Variants in MAP3K20 observed in about 807,000 individuals in gnomAD.
MAP3K20 encodes HCCS-4.
Under a neutral mutation model 85.7 loss-of-function variants are expected in MAP3K20, and 40 were observed. That is an observed-to-expected ratio of 0.47 (90% CI 0.36 to 0.61). The LOEUF (loss-of-function observed/expected upper bound fraction) is 0.61. Ranked by LOEUF, MAP3K20 falls within the 20% of genes least tolerant of loss-of-function variation. MAP3K20 has a pLI of 0.00. For missense variants in MAP3K20, 817 were observed against 961.7 expected, an observed-to-expected ratio of 0.85 and a Z score of 1.99; for synonymous variants, 325 against 327.7, an observed-to-expected ratio of 0.99 and a Z score of 0.09.
chr2:173,190,307 GT>G (rs1690611740), intron 5 of MAP3K20, among the ~76,000 whole-genome samples: 1 of 152,098 alleles, frequency 6.6e-6, no homozygotes, highest in African/African-American at 2.4e-5. Flanking sequence ...ATCTATCCCA[GT>G]TTGTTGTAGA....
rs1448168298 is a variant in MAP3K20 at position 173,093,860 on chromosome 2, A to T, written c.159+2670A>T. ...TGTAGGGACAAGGATGAAATTGGAA[A>T]TCATCATTCTCAGTAAACTATCGCA... On this transcript the variant is annotated intron_variant, in intron 2 of 19. Coordinates refer to ENST00000375213, the MANE Select transcript of MAP3K20 (RefSeq NM_016653.3). 4.6e-5 allele frequency among the ~76,000 whole-genome samples: 7 copies of T among 152,166 alleles called. No homozygotes were observed. The East Asian group carries it at 1.4e-3, about 29-fold the overall frequency.
At chr2:173,209,863 C>T (rs753530818) in intron 10 of MAP3K20, 28 bp downstream of exon 10, 21 of 1,583,334 alleles carry the variant, frequency 1.3e-5, no homozygotes, top group Middle Eastern at 1.7e-4. Context: ...CAGGCCACAG[C>T]GTCTGGCTTT....
In MAP3K20 at chr2:173,239,413, G is replaced by A. The variant is rs764780829; in HGVS notation, c.1276G>A (p.Gly426Ser). ...HFPPLIKDSG[G>S]EPEENEEKIV... ...TGGTTTCCTGTTTTAGGACTCAGGA[G>A]GTGAACCTGAAGAAAATGAGGAAAA... Residue 426 changes from glycine to serine, a missense_variant, in exon 16 of 20, where the codon GGT becomes AGT. Transcript: ENST00000375213. 34 of 1,612,632 alleles carry A rather than the reference G, an allele frequency of 2.1e-5. No individual in the cohort carries two copies. The highest frequency in any genetic ancestry group is 2.8e-5 in the Non-Finnish European group (33 of 1,179,698).
chr2:173,224,037 G>A, intron 11 of MAP3K20: 1 of 981,120 alleles, frequency 1.0e-6, no homozygotes, highest in Non-Finnish European at 1.2e-6. Context: ...ATAGCTAGAT[G>A]AAAATCTTTG....
chr2:173,251,031 T>A (rs937763531), intron 16 of MAP3K20, among the ~76,000 whole-genome samples: 1 of 152,210 alleles, frequency 6.6e-6, no homozygotes, highest in African/African-American at 2.4e-5. Flanking sequence ...TTTCAGCAGC[T>A]GAGCTAGATA....
chr2:173,075,644 C>T, upstream of MAP3K20: 1 of 744,322 alleles, frequency 1.3e-6, no homozygotes, highest in Non-Finnish European at 1.6e-6. Flanking sequence ...GGAACACCCC[C>T]ACGGCCCTCC....
At chr2:173,120,701 CTTTTTTT>C (rs56084110) in intron 2 of MAP3K20, among the ~76,000 whole-genome samples, 1 of 49,216 alleles carries the variant, frequency 2.0e-5, no homozygotes, top group Non-Finnish European at 3.2e-5. Flanking sequence ...ACTCTCACTT[CTTTTTTT>C]TTTTTTTTTT....
At chr2:173,088,438 G>C (rs1421142362) in intron 1 of MAP3K20, among the ~76,000 whole-genome samples, 1 of 152,154 alleles carries the variant, frequency 6.6e-6, no homozygotes, top group Non-Finnish European at 1.5e-5. Flanking sequence ...TTCCACAGAA[G>C]TTAATAGATA....
chr2:173,254,072 G>GGA (rs1553469069), intron 16 of MAP3K20, among the ~76,000 whole-genome samples: 3 of 134,460 alleles, frequency 2.2e-5, no homozygotes, highest in Middle Eastern at 3.4e-3. Context: ...ACCTGTGTCA[G>GGA]AAAAAAAAAA....
At chr2:173,225,783 G>C (rs1485633189) in intron 11 of MAP3K20, 1 of 984,776 alleles carries the variant, frequency 1.0e-6, no homozygotes, top group Admixed American at 6.2e-5. Flanking sequence ...GAGTTTCGTG[G>C]CTTTATCTTA....
At chr2:173,263,579 T>A (rs987048853) in intron 18 of MAP3K20, among the ~76,000 whole-genome samples, 166 bp from the exon 19 acceptor site, 1 of 152,236 alleles carries the variant, frequency 6.6e-6, no homozygotes, top group African/African-American at 2.4e-5. Context: ...TTGGGCCAAC[T>A]GTTCAGAATA....
chr2:173,125,122 G>C (rs912837871), intron 2 of MAP3K20, among the ~76,000 whole-genome samples: 1 of 152,202 alleles, frequency 6.6e-6, no homozygotes. Flanking sequence ...TCCACAACTT[G>C]CACATTTTAT....
chr2:173,190,469 C>T lies in MAP3K20; in HGVS notation c.416-426C>T, dbSNP rs550408855. ...TTTATTAAATGAATGAATGTATGAA[C>T]AAGTGAATGAATGAATATTCTCTCC... On this transcript the variant is annotated intron_variant, in intron 5 of 19. Coordinates refer to ENST00000375213, the MANE Select transcript of MAP3K20 (RefSeq NM_016653.3). 6.6e-5 allele frequency among the ~76,000 whole-genome samples: 10 copies of T among 152,276 alleles called. 1 individual carries two copies. The Middle Eastern group carries it at 0.01, about 155-fold the overall frequency.
At chr2:173,173,174 GTGTGTGTGTGTGTGTGTGTGTGTC>G (rs905634037) in intron 3 of MAP3K20, among the ~76,000 whole-genome samples, 2 of 130,784 alleles carry the variant, frequency 1.5e-5, no homozygotes, top group South Asian at 3.0e-4. Context: ...GTGTGTGTGT[GTGTGTGTGTGTGTGTGTGTGTGTC>G]TGTGTAAAAC....
chr2:173,143,583 A>G (rs1373524443), intron 2 of MAP3K20, among the ~76,000 whole-genome samples: 1 of 152,210 alleles, frequency 6.6e-6, no homozygotes, highest in Admixed American at 6.5e-5. Flanking sequence ...ACGGGGAAAT[A>G]TTGAATGTTT....
At chr2:173,180,610 A>G (rs1181808635) in intron 3 of MAP3K20, among the ~76,000 whole-genome samples, 2 of 152,174 alleles carry the variant, frequency 1.3e-5, no homozygotes, top group African/African-American at 4.8e-5. Flanking sequence ...CAGGAGGTTG[A>G]GGCTGCAGGG....
intron 2 of MAP3K20, among the ~76,000 whole-genome samples, chr2:173,168,834 C>T (rs1393529757): frequency 6.6e-6 from 1 of 152,082 alleles, no homozygotes; most frequent in African/African-American, 2.4e-5. Context: ...GATCATCTTT[C>T]TATTGACATT....
intron 17 of MAP3K20, among the ~76,000 whole-genome samples, chr2:173,259,431 A>G (rs142549369): frequency 6.6e-6 from 1 of 152,370 alleles, no homozygotes; most frequent in Non-Finnish European, 1.5e-5. Flanking sequence ...TGTCCCAATC[A>G]TACTGGAACA....
At chr2:173,203,631 C>G (rs759781014) in intron 8 of MAP3K20, among the ~76,000 whole-genome samples, 165 bp from the exon 9 acceptor site, 1 of 152,156 alleles carries the variant, frequency 6.6e-6, no homozygotes, top group Non-Finnish European at 1.5e-5. Flanking sequence ...GATTACAGAT[C>G]TAAACATAAA....
Sources: gnomAD v4.1 joint callset for allele counts (sites outside exome capture counted in the v4.1 genomes callset) on GRCh38, gnomAD v4.1.1 for gene constraint, MANE v1.5 for transcripts, NCBI Gene and HGNC (gene_info 2026-07-23, HGNC 2026-07-21) for gene names.